Variants in MRTFB observed in about 807,000 individuals in gnomAD.
MRTFB encodes myocardin-related transcription factor B.
Under a neutral mutation model 104.2 loss-of-function variants are expected in MRTFB, and 29 were observed. The observed-to-expected ratio is 0.28, with a 90% confidence interval of 0.21 to 0.38. The LOEUF is 0.38. MRTFB is among the 10% of genes least tolerant of loss of function. MRTFB has a pLI of 1.00. For missense variants in MRTFB, 1,270 were observed against 1,341.6 expected, an observed-to-expected ratio of 0.95 and a Z score of 0.83; for synonymous variants, 535 against 519.5, an observed-to-expected ratio of 1.03 and a Z score of -0.41.
chr16:14,135,336 A>C (rs1312959762), intron 2 of MRTFB, among the ~76,000 whole-genome samples: 1 of 152,250 alleles, frequency 6.6e-6, no homozygotes, highest in Non-Finnish European at 1.5e-5. Flanking sequence ...CATTGGTCCC[A>C]TACAATTATA....
intron 3 of MRTFB, among the ~76,000 whole-genome samples, chr16:14,185,989 G>A (rs2085488383): frequency 6.6e-6 from 1 of 152,062 alleles, no homozygotes; most frequent in Admixed American, 6.6e-5. Context: ...AACTTAGGCT[G>A]GTCATTGGTT....
chr16:14,157,056 T>C (rs937031549), intron 3 of MRTFB, among the ~76,000 whole-genome samples: 49 of 152,336 alleles, frequency 3.2e-4, no homozygotes, highest in African/African-American at 1.1e-3. Context: ...ATATAAACTA[T>C]TTTCATCTCT....
chr16:14,191,646 C>T (rs781693414), intron 3 of MRTFB, among the ~76,000 whole-genome samples: 22 of 152,162 alleles, frequency 1.4e-4, no homozygotes, highest in Admixed American at 3.3e-4. Flanking sequence ...GTATTATACC[C>T]TTCTCTGCCT....
the MRTFB span, among the ~76,000 whole-genome samples, chr16:14,046,521 C>G: frequency 4.6e-5 from 7 of 152,104 alleles, no homozygotes; most frequent in African/African-American, 1.7e-4. Flanking sequence ...AGCAAAACCT[C>G]ATATTGGGTT....
intron 3 of MRTFB, 58 bp downstream of exon 3, chr16:14,140,818 C>T: frequency 6.3e-7 from 1 of 1,597,858 alleles, no homozygotes. Flanking sequence ...CTTTGGGAGC[C>T]CAGTTTATTC....
At chr16:14,245,431 A>G in intron 10 of MRTFB, 97 bp from the exon 11 acceptor site, 1 of 1,032,586 alleles carries the variant, frequency 9.7e-7, no homozygotes. Flanking sequence ...TAACCATGGT[A>G]TTTTTCTCTT....
intron 2 of MRTFB, among the ~76,000 whole-genome samples, chr16:14,131,312 G>GTA (rs1364838576): frequency 2.0e-5 from 3 of 152,176 alleles, no homozygotes; most frequent in Non-Finnish European, 2.9e-5. Flanking sequence ...TTAAGAGAAT[G>GTA]TAGTTAAACT....
intron 2 of MRTFB, among the ~76,000 whole-genome samples, chr16:14,120,442 C>G (rs1340971645): frequency 1.3e-5 from 2 of 152,050 alleles, no homozygotes; most frequent in Non-Finnish European, 2.9e-5. Context: ...CAGTGTAGGT[C>G]TAATCCATGT....
chr16:14,187,987 G>C (rs1302065694), intron 3 of MRTFB, among the ~76,000 whole-genome samples: 1 of 152,190 alleles, frequency 6.6e-6, no homozygotes, highest in East Asian at 1.9e-4. Flanking sequence ...GACCCAGAGA[G>C]TAAATGTAGA....
At chr16:14,258,243 G>A in intron 16 of MRTFB, 82 bp downstream of exon 16, 2 of 1,066,980 alleles carry the variant, frequency 1.9e-6, no homozygotes, top group Non-Finnish European at 2.9e-6. Flanking sequence ...AGCACTCATA[G>A]CTTATCTTTA....
chr16:14,137,877 A>T (rs2037802319), intron 2 of MRTFB, among the ~76,000 whole-genome samples: 1 of 152,072 alleles, frequency 6.6e-6, no homozygotes, highest in Non-Finnish European at 1.5e-5. Flanking sequence ...GAGACCATTT[A>T]CATTTAATGT....
At chr16:14,039,598 C>T in the MRTFB span, among the ~76,000 whole-genome samples, 1 of 151,688 alleles carries the variant, frequency 6.6e-6, no homozygotes, top group Non-Finnish European at 1.5e-5. Flanking sequence ...CATATATATA[C>T]ATATATGTAT....
chr16:14,199,689 A>G (rs967473857), intron 3 of MRTFB, among the ~76,000 whole-genome samples: 2 of 152,228 alleles, frequency 1.3e-5, no homozygotes, highest in African/African-American at 4.8e-5. Flanking sequence ...TCTCTCAGCC[A>G]TGATGGAGTT....
intron 2 of MRTFB, among the ~76,000 whole-genome samples, chr16:14,127,930 T>TATATA (rs1491428460): frequency 0.019 from 588 of 31,074 alleles, 1 homozygote; most frequent in Middle Eastern, 0.036. Context: ...TATATATATA[T>TATATA]TTTTTTTTTT....
rs373932933 is a variant in MRTFB, at chr16:14,240,218, T to G, written c.832-19T>G. On this transcript the variant is annotated intron_variant, in intron 9 of 16. Transcript: ENST00000571589. ...TGGTGACATCTCTTTAAATGTTATT[T>G]TCTTTTTCTCAAAAATAGCAAAGCC... 5.8e-5 allele frequency: 91 copies of G among 1,569,546 alleles called. No homozygotes were observed. In the African/African-American group the frequency reaches 1.1e-3, roughly 19 times the overall value.
chr16:14,005,988 A>G, the MRTFB span, among the ~76,000 whole-genome samples: 4 of 152,114 alleles, frequency 2.6e-5, no homozygotes, highest in Non-Finnish European at 5.9e-5. Flanking sequence ...CGGGTGGGTC[A>G]CTTGAGATCA....
chr16:14,168,888 C>T (rs1291451126), intron 3 of MRTFB, among the ~76,000 whole-genome samples: 1 of 152,132 alleles, frequency 6.6e-6, no homozygotes, highest in African/African-American at 2.4e-5. Context: ...CCATTTTAAC[C>T]ATTTCTGTGG....
chr16:14,233,354 C>T (rs750420170), intron 8 of MRTFB, among the ~76,000 whole-genome samples: 2 of 152,114 alleles, frequency 1.3e-5, no homozygotes, highest in Non-Finnish European at 2.9e-5. Context: ...GTGTAAAGCA[C>T]ATTTATGGAC....
At chr16:14,231,348 G>A (rs939330677) in intron 8 of MRTFB, among the ~76,000 whole-genome samples, 2 of 151,922 alleles carry the variant, frequency 1.3e-5, no homozygotes, top group African/African-American at 4.8e-5. Flanking sequence ...AATTTACTGT[G>A]GAACAAAATA....
Sources: gnomAD v4.1 joint callset for allele counts (sites outside exome capture counted in the v4.1 genomes callset) on GRCh38, gnomAD v4.1.1 for gene constraint, MANE v1.5 for transcripts, NCBI Gene and HGNC (gene_info 2026-07-23, HGNC 2026-07-21) for gene names.